The following NIBAN1 variants were observed in gnomAD, a reference collection of about 807,000 sequenced individuals.
The protein encoded by NIBAN1 is niban apoptosis regulator 1, also known as protein Niban 1.
A neutral mutation model predicts 75.1 loss-of-function variants in NIBAN1; 81 were observed. The observed-to-expected ratio is 1.08, with a 90% confidence interval of 0.90 to 1.30. The LOEUF is 1.30. NIBAN1 is among the 50% of genes most tolerant of loss of function. NIBAN1 has a pLI of 0.00. For missense variants in NIBAN1, 1,133 were observed against 1,128.1 expected, an observed-to-expected ratio of 1.00 and a Z score of -0.06; for synonymous variants, 436 against 424.8, an observed-to-expected ratio of 1.03 and a Z score of -0.32.
At chr1:184,816,919 C>T (rs1166919901) in intron 9 of NIBAN1, among the ~76,000 whole-genome samples, 1 of 151,764 alleles carries the variant, frequency 6.6e-6, no homozygotes, top group Non-Finnish European at 1.5e-5. Flanking sequence ...GGTAAATGTG[C>T]ACAACGTGCA....
chr1:184,925,720 AT>A (rs1209211081), intron 1 of NIBAN1, among the ~76,000 whole-genome samples: 80 of 152,098 alleles, frequency 5.3e-4, no homozygotes, highest in African/African-American at 1.8e-3. Context: ...CATTAACTTC[AT>A]TTTTTTAACT....
At position 184,894,077 on chromosome 1, in the gene NIBAN1, C is replaced by G; in HGVS notation, c.316G>C (p.Glu106Gln). ...DYAVESYENK[E>Q]AYQRGAAPKC... ...GTAGTAACAAAGAAGTGTCTTACCTCTTTATTCTCATAGCTCTCCACAGCA... is the reference window on the plus strand; with the variant it reads ...GTAGTAACAAAGAAGTGTCTTACCTGTTTATTCTCATAGCTCTCCACAGCA... Residue 106 changes from glutamate to glutamine, a missense_variant and splice_region_variant, in exon 3 of 14, where the codon GAG (glutamate) becomes CAG (glutamine). By Grantham distance (29) the Glu-to-Gln change is conservative. Coordinates refer to ENST00000367511, the MANE Select transcript of NIBAN1 (RefSeq NM_052966.4). The G allele has an allele frequency of 1.2e-6, 2 of 1,601,474 alleles. No individual in the cohort carries two copies.
At chr1:184,954,270 G>A (rs1658429710) in intron 1 of NIBAN1, among the ~76,000 whole-genome samples, 1 of 152,182 alleles carries the variant, frequency 6.6e-6, no homozygotes, top group Non-Finnish European at 1.5e-5. Flanking sequence ...AACAGAAAAT[G>A]AGACAAAAGA....
chr1:184,925,369 CTA>C (rs1284873917), intron 1 of NIBAN1, among the ~76,000 whole-genome samples: 1 of 152,002 alleles, frequency 6.6e-6, no homozygotes, highest in Non-Finnish European at 1.5e-5. Flanking sequence ...TTCAGCCATT[CTA>C]TGTCTTTTGA....
chr1:184,924,832 T>C (rs1317626176), intron 1 of NIBAN1, among the ~76,000 whole-genome samples: 3 of 152,178 alleles, frequency 2.0e-5, no homozygotes, highest in Admixed American at 6.5e-5. Flanking sequence ...TTAGCCATAG[T>C]GGCCACTAAT....
intron 1 of NIBAN1, among the ~76,000 whole-genome samples, chr1:184,960,542 A>G (rs1322645358): frequency 1.3e-5 from 2 of 152,246 alleles, no homozygotes; most frequent in African/African-American, 2.4e-5. Context: ...TTTCATAACA[A>G]TGAATCAAGA....
intron 1 of NIBAN1, among the ~76,000 whole-genome samples, chr1:184,950,019 C>T (rs1327327976): frequency 2.0e-5 from 3 of 152,078 alleles, no homozygotes; most frequent in African/African-American, 4.8e-5. Context: ...ATAATTCCAT[C>T]AAATGTTTAT....
chr1:184,964,898 G>A (rs1451299986), intron 1 of NIBAN1, among the ~76,000 whole-genome samples: 1 of 152,130 alleles, frequency 6.6e-6, no homozygotes, highest in African/African-American at 2.4e-5. Flanking sequence ...CCTCTAAAGC[G>A]GAGACAGTTC....
At chr1:184,839,088 G>A (rs1009451770) in intron 5 of NIBAN1, among the ~76,000 whole-genome samples, 5 of 152,088 alleles carry the variant, frequency 3.3e-5, no homozygotes, top group African/African-American at 1.2e-4. Flanking sequence ...ATGGAGTATG[G>A]ACCATGAGAG....
chr1:184,871,182 A>G (rs1190937983), intron 5 of NIBAN1, among the ~76,000 whole-genome samples: 6 of 151,946 alleles, frequency 3.9e-5, no homozygotes, highest in Non-Finnish European at 7.4e-5. Context: ...CCCCGTCTCT[A>G]CTAAAAATAC....
intron 1 of NIBAN1, among the ~76,000 whole-genome samples, chr1:184,910,693 T>G (rs904479809): frequency 6.6e-6 from 1 of 152,188 alleles, no homozygotes; most frequent in Non-Finnish European, 1.5e-5. Context: ...GTTTGAGCCA[T>G]GGGATGCCAA....
intron 5 of NIBAN1, among the ~76,000 whole-genome samples, chr1:184,855,274 T>C (rs533679043): frequency 2.0e-5 from 3 of 152,226 alleles, no homozygotes; most frequent in Non-Finnish European, 4.4e-5. Context: ...TATTAAATAG[T>C]GTGGGTTTAC....
At chr1:184,829,159 C>CT (rs1553217996) in intron 6 of NIBAN1, among the ~76,000 whole-genome samples, 3 of 152,098 alleles carry the variant, frequency 2.0e-5, no homozygotes, top group Admixed American at 1.3e-4. Flanking sequence ...CTCTTTTCTG[C>CT]TTTTTTTGTT....
intron 1 of NIBAN1, among the ~76,000 whole-genome samples, chr1:184,962,522 G>T (rs1557932858): frequency 6.6e-6 from 1 of 152,144 alleles, no homozygotes; most frequent in African/African-American, 2.4e-5. Flanking sequence ...AACATAGCTA[G>T]ATTCAAATTG....
intron 1 of NIBAN1, among the ~76,000 whole-genome samples, chr1:184,912,704 T>C (rs1657273260): frequency 1.3e-5 from 2 of 152,242 alleles, no homozygotes; most frequent in African/African-American, 4.8e-5. Context: ...GGGTGAATTA[T>C]GTCAAGTCCT....
In NIBAN1 at chr1:184,806,008, G is replaced by GCC; in HGVS notation, c.1383_1384insGG (p.Leu462GlyfsTer21). The GCC allele has an allele frequency of 6.2e-7, 1 of 1,614,202 alleles. No individual in the cohort carries two copies. Among genetic ancestry groups the GCC allele is most frequent in the South Asian group, 1.1e-5 (1 of 91,088 alleles). ...GCAGTTTTGGAGGCCTCTCCTTGGA[G>GCC]ATGTGGGGAAAGCAACTGCTCAAAA... On this transcript the variant is annotated frameshift_variant, in exon 11 of 14. Coordinates refer to ENST00000367511, the MANE Select transcript of NIBAN1 (RefSeq NM_052966.4). LOFTEE classifies it high-confidence loss of function.
At chr1:184,954,273 A>G (rs1404447751) in intron 1 of NIBAN1, among the ~76,000 whole-genome samples, 1 of 152,200 alleles carries the variant, frequency 6.6e-6, no homozygotes, top group Non-Finnish European at 1.5e-5. Flanking sequence ...AGAAAATGAG[A>G]CAAAAGAGAA....
Position 184,969,693 on chromosome 1 carries a change from T to C in NIBAN1, c.55+4609A>G, listed in dbSNP as rs566420373. Among the ~76,000 whole-genome samples, 8 of 123,004 alleles carry C rather than the reference T, an allele frequency of 6.5e-5. No homozygotes were observed. In the South Asian group the frequency reaches 1.8e-3, roughly 28 times the overall value. The allele number at this position is 123,004 out of a possible 152,430, so 80.7% of individuals were successfully genotyped here. A position where few individuals can be genotyped will look rare whatever the true frequency, so the allele number is the denominator to read the frequency against. On this transcript the variant is annotated intron_variant, in intron 1 of 13. Transcript: ENST00000367511. ...GAGGGCAATATCAGGAGTTTCTTTCTTTTTTTTTTTTTTTTAAAGAGAGAG... is the reference window on the plus strand; with the variant it reads ...GAGGGCAATATCAGGAGTTTCTTTCCTTTTTTTTTTTTTTTAAAGAGAGAG...
chr1:184,970,405 C>T (rs1172021784), intron 1 of NIBAN1, among the ~76,000 whole-genome samples: 2 of 152,174 alleles, frequency 1.3e-5, no homozygotes, highest in Non-Finnish European at 1.5e-5. Context: ...TAGTACGACA[C>T]ATCCACACTA....
Sources: gnomAD v4.1 joint callset for allele counts (sites outside exome capture counted in the v4.1 genomes callset) on GRCh38, gnomAD v4.1.1 for gene constraint, MANE v1.5 for transcripts, NCBI Gene and HGNC (gene_info 2026-07-23, HGNC 2026-07-21) for gene names.